Variants in HDLBP observed in about 807,000 individuals in gnomAD.
HDLBP encodes vigilin.
HDLBP carries 30 observed loss-of-function variants against 137.3 expected under a neutral mutation model. The ratio of observed to expected loss-of-function variants is 0.22; its 90% confidence interval spans 0.16 to 0.30. HDLBP has a LOEUF of 0.30. Ranked by LOEUF, HDLBP falls within the 10% of genes least tolerant of loss-of-function variation. HDLBP has a pLI of 1.00. For missense variants in HDLBP, 1,119 were observed against 1,667.3 expected (o/e 0.67, Z 5.73); for synonymous variants, 606 against 596.0 (o/e 1.02, Z -0.24).
chr2:241,267,731 C>T lies in HDLBP; in HGVS notation c.-38+746G>A, dbSNP rs2073785470. On this transcript the variant is annotated intron_variant, in intron 2 of 27. Coordinates refer to ENST00000310931, the MANE Select transcript of HDLBP (RefSeq NM_005336.6). Reference sequence around the variant, plus strand: ...TAGCTGCGTGACAGGAAAAAGCAGCCTCAGTGCTTTGTAGCAACAGTAACA... The same window carrying T: ...TAGCTGCGTGACAGGAAAAAGCAGCTTCAGTGCTTTGTAGCAACAGTAACA... 36 of 1,533,470 alleles carry T rather than the reference C, an allele frequency of 2.3e-5. 1 individual carries two copies. In the South Asian group the frequency reaches 3.7e-4, roughly 16 times the overall value. The allele number at this position is 1,533,470 out of a possible 1,614,324, so 95.0% of individuals were successfully genotyped here. A position where few individuals can be genotyped will look rare whatever the true frequency, so the allele number is the denominator to read the frequency against.
chr2:241,266,531 A>C, intron 3 of HDLBP: 1 of 444,176 alleles, frequency 2.3e-6, no homozygotes. Context: ...GGACTGCATT[A>C]ATTACCAATG....
rs1046587275 is a variant in HDLBP at position 241,273,635 on chromosome 2, C to T, written c.-102-5094G>A. The T allele has an allele frequency of 6.1e-6, 6 of 985,186 alleles. No homozygotes were observed. The African/African-American group carries it at 1.0e-4, about 17-fold the overall frequency. 61.0% of individuals were successfully genotyped at this position (985,186 alleles called of 1,614,324 possible). On this transcript the variant is annotated intron_variant, in intron 1 of 27. Coordinates refer to ENST00000310931, the MANE Select transcript of HDLBP (RefSeq NM_005336.6). ...TAGAGATGTCAGTCTGAACCTCTGG[C>T]AAAGTCGCAGGTCAACAGAATCCTG...
chr2:241,298,976 G>A lies in HDLBP; in HGVS notation c.-103+16594C>T, dbSNP rs112687652. Reference sequence around the variant, plus strand: ...CCTTTCAGTGGAATGAGAATGCGCTGCCTGATCAGAAGGCGGCAACGCATT... The same window carrying A: ...CCTTTCAGTGGAATGAGAATGCGCTACCTGATCAGAAGGCGGCAACGCATT... On this transcript the variant is annotated intron_variant, in intron 1 of 27. Coordinates refer to ENST00000310931, the MANE Select transcript of HDLBP (RefSeq NM_005336.6). 3.8e-3 allele frequency among the ~76,000 whole-genome samples: 584 copies of A among 152,338 alleles called. 1 individual carries two copies. The highest frequency in any genetic ancestry group is 7.5e-3 in the Non-Finnish European group (511 of 68,022).
chr2:241,273,755 G>C, intron 1 of HDLBP: 1 of 773,018 alleles, frequency 1.3e-6, no homozygotes, highest in African/African-American at 1.9e-5. Context: ...CAGGGAATGG[G>C]GTCAGGTCCG....
At chr2:241,283,667 G>A (rs188945447) in intron 1 of HDLBP, among the ~76,000 whole-genome samples, 1 of 151,934 alleles carries the variant, frequency 6.6e-6, no homozygotes, top group African/African-American at 2.4e-5. Context: ...GTAGAGATGG[G>A]GTTTCACCGT....
chr2:241,238,532 CAT>C lies in HDLBP; in HGVS notation c.2749+115_2749+116del. ...TGAACCTCTGGAAGCCCCCAGAATA[CAT>C]AGATGGTTTTCCAGCAGAGACAGGA... On this transcript the variant is annotated intron_variant, in intron 20 of 27. Coordinates refer to ENST00000310931, the MANE Select transcript of HDLBP (RefSeq NM_005336.6). The surrounding 1 kb of genome is among the most constrained non-coding windows in gnomAD (Gnocchi z 4.9). 2.4e-6 allele frequency: 2 copies of C among 825,778 alleles called. No individual in the cohort carries two copies. The highest frequency in any genetic ancestry group is 3.6e-6 in the Non-Finnish European group (2 of 555,396). The allele number at this position is 825,778 out of a possible 1,614,324, so 51.2% of individuals were successfully genotyped here. A position where few individuals can be genotyped will look rare whatever the true frequency, so the allele number is the denominator to read the frequency against.
intron 1 of HDLBP, 47 bp downstream of exon 1, chr2:241,315,523 C>T (rs893637187): frequency 2.0e-5 from 3 of 152,758 alleles, no homozygotes; most frequent in Non-Finnish European, 4.4e-5. Flanking sequence ...AACAAACGGC[C>T]TTCCCCCCAC....
intron 5 of HDLBP, among the ~76,000 whole-genome samples, chr2:241,262,466 ATT>A (rs1306157114): frequency 1.5e-4 from 22 of 147,212 alleles, no homozygotes; most frequent in Non-Finnish European, 3.0e-4. Flanking sequence ...TAAAAAAAAA[ATT>A]ATTATTACTT....
In HDLBP at chr2:241,271,240, C is replaced by A. The variant is rs1304915262; in HGVS notation, c.-102-2699G>T. The A allele has an allele frequency of 5.4e-6, 3 of 560,710 alleles. No individual in the cohort carries two copies. The African/African-American group carries it at 6.1e-5, about 11-fold the overall frequency. 34.7% of individuals were successfully genotyped at this position (560,710 alleles called of 1,614,324 possible). Reference sequence around the variant, plus strand: ...TAGGAAGCTCGGATCAATCAGTGTCCAGGTCCACCTAATGTAAACCTCAAA... The same window carrying A: ...TAGGAAGCTCGGATCAATCAGTGTCAAGGTCCACCTAATGTAAACCTCAAA... On this transcript the variant is annotated intron_variant, in intron 1 of 27. Coordinates refer to ENST00000310931, the MANE Select transcript of HDLBP (RefSeq NM_005336.6).
chr2:241,302,662 G>GA (rs2075434348), intron 1 of HDLBP: 1 of 152,272 alleles, frequency 6.6e-6, no homozygotes, highest in Non-Finnish European at 1.5e-5. Context: ...CAATGGATCT[G>GA]GTCCTTTTGG....
Position 241,253,444 on chromosome 2 carries a change from T to A in HDLBP, c.1242A>T (p.Thr414=). ...GEDKITLEGP[T]EDVNVAQEQI... ...GTTCCTGGGCCACATTGACATCCTC[T>A]GTAGGGCCCTCCAGGGTGATCTTGT... The change falls in exon 10 of 28, where the codon ACA becomes ACT. Residue 414 remains threonine, a synonymous_variant. Coordinates refer to ENST00000310931, the MANE Select transcript of HDLBP (RefSeq NM_005336.6). The A allele has an allele frequency of 1.2e-6, 2 of 1,613,872 alleles. No individual in the cohort carries two copies. Among genetic ancestry groups the A allele is most frequent in the Non-Finnish European group, 1.7e-6 (2 of 1,179,702 alleles).
intron 1 of HDLBP, among the ~76,000 whole-genome samples, chr2:241,304,366 T>C (rs1191565484): frequency 1.3e-5 from 2 of 152,182 alleles, no homozygotes; most frequent in Non-Finnish European, 1.5e-5. Flanking sequence ...ATCCATCACA[T>C]GAATTCAGGG....
At chr2:241,234,036 C>T (rs1298078281) in intron 23 of HDLBP, 73 bp from the exon 24 acceptor site, 2 of 1,552,580 alleles carry the variant, frequency 1.3e-6, no homozygotes, top group Non-Finnish European at 1.8e-6. Context: ...CCCTTCCACC[C>T]TGGTCATAGG....
intron 11 of HDLBP, among the ~76,000 whole-genome samples, chr2:241,252,386 C>T (rs1232003047): frequency 3.3e-5 from 5 of 152,162 alleles, no homozygotes; most frequent in Admixed American, 6.5e-5. Context: ...CCTGTAGTCC[C>T]AGCTACTCAG....
intron 1 of HDLBP, among the ~76,000 whole-genome samples, chr2:241,270,185 C>T (rs1458786265): frequency 1.3e-5 from 2 of 152,198 alleles, no homozygotes; most frequent in African/African-American, 4.8e-5. Context: ...CAGCCGGACC[C>T]TATACTGAAA....
chr2:241,232,361 C>T lies in HDLBP; in HGVS notation c.3289-1417G>A, dbSNP rs550366757. On this transcript the variant is annotated intron_variant, in intron 24 of 27. Transcript: ENST00000310931. ...CATGATCTCAGCTCACTGCAGCCTC[C>T]GCCTCCTGCGTTCAAGCGATTCTCA... Among the ~76,000 whole-genome samples the T allele has an allele frequency of 1.3e-4, 20 of 152,110 alleles. 1 individual carries two copies. In the South Asian group the frequency reaches 3.1e-3, roughly 24 times the overall value.
intron 1 of HDLBP, among the ~76,000 whole-genome samples, chr2:241,284,352 G>A (rs1160284889): frequency 1.3e-5 from 2 of 152,210 alleles, no homozygotes; most frequent in Non-Finnish European, 2.9e-5. Flanking sequence ...GCAACTGCAA[G>A]TGTGGTAGAA....
chr2:241,304,864 G>A (rs1253635215), intron 1 of HDLBP, among the ~76,000 whole-genome samples: 1 of 152,144 alleles, frequency 6.6e-6, no homozygotes, highest in Non-Finnish European at 1.5e-5. Flanking sequence ...ACTTCTAAAA[G>A]TTAAGGGCCA....
At chr2:241,289,904 G>GGGAT (rs947448837) in intron 1 of HDLBP, among the ~76,000 whole-genome samples, 2 of 152,072 alleles carry the variant, frequency 1.3e-5, no homozygotes, top group African/African-American at 4.8e-5. Context: ...CTGCACGTGT[G>GGGAT]GGATGAATGG....
Sources: gnomAD v4.1 joint callset for allele counts (sites outside exome capture counted in the v4.1 genomes callset) on GRCh38, gnomAD v4.1.1 for gene constraint, Gnocchi (gnomAD v3.1) non-coding constraint, MANE v1.5 for transcripts, NCBI Gene and HGNC (gene_info 2026-07-23, HGNC 2026-07-21) for gene names.